Variants in PRDM7 observed in about 807,000 individuals in gnomAD.
The protein encoded by PRDM7 is histone-lysine N-methyltransferase PRDM7.
A neutral mutation model predicts 64.3 loss-of-function variants in PRDM7; 52 were observed. That is an observed-to-expected ratio of 0.81 (90% CI 0.65 to 1.02). The LOEUF (loss-of-function observed/expected upper bound fraction) is 1.02, where lower values mean the gene tolerates loss of function less well. Ranked by LOEUF, PRDM7 falls within the 50% of genes least tolerant of loss-of-function variation. The probability of loss-of-function intolerance (pLI) is 0.00; values close to 1 mark genes in which losing one functional copy is unlikely to be tolerated. For synonymous variants in PRDM7, 192 were observed against 210.1 expected, an observed-to-expected ratio of 0.91 and a Z score of 0.74; for missense variants, 574 against 597.1, an observed-to-expected ratio of 0.96 and a Z score of 0.40.
In PRDM7 at chr16:90,075,897, C is replaced by T. The variant is rs551983496; in HGVS notation, c.14G>A (p.Arg5Lys). ...TCCTTCTGGGCTCTCCTCTTGGGAC[C>T]TTTCAGGGCTCATGGTGCTGGGACT... MSPE[R>K]SQEESPEGDT... Residue 5 changes from arginine (R) to lysine (K), a missense_variant, in exon 2 of 11, where the codon AGG becomes AAG. Transcript: ENST00000449207. The surrounding 1 kb of genome is among the most constrained non-coding windows in gnomAD (Gnocchi z 4.3). 1.9e-6 allele frequency: 3 copies of T among 1,613,976 alleles called. No individual in the cohort carries two copies. The highest frequency in any genetic ancestry group is 2.2e-5 in the East Asian group (1 of 44,876).
chr16:90,062,681 C>G (rs549995297), intron 6 of PRDM7, among the ~76,000 whole-genome samples, 179 bp from the exon 7 acceptor site: 1 of 152,300 alleles, frequency 6.6e-6, no homozygotes, highest in Admixed American at 6.5e-5. Context: ...ACTGTAGATG[C>G]CTATTCAATT....
chr16:90,059,854 A>C (rs577223834), intron 10 of PRDM7, among the ~76,000 whole-genome samples: 5 of 152,314 alleles, frequency 3.3e-5, no homozygotes, highest in African/African-American at 9.6e-5. Context: ...CCTAATTCAC[A>C]AGTTATCTGT....
Position 90,073,800 on chromosome 16 carries a change from G to C in PRDM7, c.301+1116C>G, listed in dbSNP as rs866924246. On this transcript the variant is annotated intron_variant, in intron 4 of 10. Transcript: ENST00000449207. ...GGAGGTCACTTTTTTTTCCCCCCGA[G>C]ACGGAGTCTTCTCATTCTGTTGCCC... is the stretch of plus-strand genomic sequence containing the variant. 2.6e-5 allele frequency among the ~76,000 whole-genome samples: 4 copies of C among 151,722 alleles called. No homozygotes were observed. The South Asian group carries it at 8.4e-4, about 32-fold the overall frequency.
chr16:90,065,393 G>GAA (rs35014946), intron 5 of PRDM7, among the ~76,000 whole-genome samples: 14 of 92,740 alleles, frequency 1.5e-4, no homozygotes, highest in African/African-American at 1.9e-4. Context: ...AACTCTGTCT[G>GAA]AAAAAAAAAA....
In PRDM7 at chr16:90,060,624, C is replaced by T. The variant is rs761289575; in HGVS notation, c.951-1G>A. On this transcript the variant is annotated splice_acceptor_variant, in intron 9 of 10. Coordinates refer to ENST00000449207, the MANE Select transcript of PRDM7 (RefSeq NM_001098173.2). LOFTEE classifies it high-confidence loss of function. ...ATCATCCCGGGCACAGTTCACATAC[C>T]TGGGGTCAAGGCAGGCAAAGGGAAA... 5.0e-6 allele frequency: 8 copies of T among 1,613,958 alleles called. No individual in the cohort carries two copies. In the Admixed American group the frequency reaches 1.0e-4, roughly 20 times the overall value.
chr16:90,066,377 A>G (rs572899783), intron 5 of PRDM7, among the ~76,000 whole-genome samples: 1 of 151,336 alleles, frequency 6.6e-6, no homozygotes, highest in East Asian at 1.9e-4. Flanking sequence ...TGAAAAATCA[A>G]TTGGACGAAT....
chr16:90,064,339 GA>G (rs1294718248), intron 5 of PRDM7, among the ~76,000 whole-genome samples: 1 of 152,162 alleles, frequency 6.6e-6, no homozygotes, highest in Non-Finnish European at 1.5e-5. Flanking sequence ...TTGTCTGCTT[GA>G]ATAAGGGTGT....
Position 90,072,804 on chromosome 16 carries a change from TAAA to T in PRDM7, c.301+2109_301+2111del, listed in dbSNP as rs922301540. ...CAGATAAAGATGTATAGATGTGTGG[TAAA>T]CCACGGGAGATAGATTCCCTCTAAA... is the stretch of plus-strand genomic sequence containing the variant. On this transcript the variant is annotated intron_variant, in intron 4 of 10. Transcript: ENST00000449207. Among the ~76,000 whole-genome samples, 11 of 152,236 alleles carry T rather than the reference TAAA, an allele frequency of 7.2e-5. 1 individual carries two copies. Among genetic ancestry groups the T allele is most frequent in the Admixed American group, 7.2e-4 (11 of 15,290 alleles).
intron 4 of PRDM7, among the ~76,000 whole-genome samples, chr16:90,068,423 C>T (rs1292815579): frequency 6.6e-6 from 1 of 150,984 alleles, no homozygotes; most frequent in Non-Finnish European, 1.5e-5. Context: ...ATCACGAGGT[C>T]AGGAGATCGA....
In PRDM7 at chr16:90,075,888, T is replaced by C; in HGVS notation, c.23A>G (p.Glu8Gly). The C allele has an allele frequency of 6.2e-7, 1 of 1,614,048 alleles. No individual in the cohort carries two copies. Among genetic ancestry groups the C allele is most frequent in the Non-Finnish European group, 8.5e-7 (1 of 1,179,976 alleles). MSPERSQ[E>G]ESPEGDTERT... ...CTCTGTGTCTCCTTCTGGGCTCTCC[T>C]CTTGGGACCTTTCAGGGCTCATGGT... Residue 8 changes from glutamate to glycine, a missense_variant, in exon 2 of 11, where the codon GAG (glutamate) becomes GGG (glycine). By Grantham distance (98) the Glu-to-Gly change is moderately conservative. Coordinates refer to ENST00000449207, the MANE Select transcript of PRDM7 (RefSeq NM_001098173.2). The surrounding 1 kb of genome is among the most constrained non-coding windows in gnomAD (Gnocchi z 4.3).
Position 90,062,522 on chromosome 16 carries a change from A to T in PRDM7, c.509-20T>A. On this transcript the variant is annotated intron_variant, in intron 6 of 10. Transcript: ENST00000449207. Reference sequence around the variant, plus strand: ...TGAGTTCTAGGTTGGAGAAGAGTAGATGGGTAAAATTGGGAGTCTGGGGTG... The same window carrying T: ...TGAGTTCTAGGTTGGAGAAGAGTAGTTGGGTAAAATTGGGAGTCTGGGGTG... 15 of 1,589,690 alleles carry T rather than the reference A, an allele frequency of 9.4e-6. No homozygotes were observed. The highest frequency in any genetic ancestry group is 1.3e-5 in the Non-Finnish European group (15 of 1,157,914).
intron 6 of PRDM7, among the ~76,000 whole-genome samples, 191 bp downstream of exon 6, chr16:90,063,421 G>A (rs558487979): frequency 3.9e-5 from 6 of 152,254 alleles, no homozygotes; most frequent in African/African-American, 9.6e-5. Flanking sequence ...CTGGGTGACA[G>A]AGTAAGACTC....
intron 4 of PRDM7, among the ~76,000 whole-genome samples, chr16:90,069,191 C>T (rs1250447506): frequency 6.6e-6 from 1 of 151,088 alleles, no homozygotes; most frequent in East Asian, 1.9e-4. Context: ...AATAGAGAGG[C>T]CAGAAATAAA....
chr16:90,065,910 A>AGGCTCTCG (rs2151309111), intron 5 of PRDM7, among the ~76,000 whole-genome samples: 1 of 151,348 alleles, frequency 6.6e-6, no homozygotes, highest in East Asian at 1.9e-4. Context: ...GGAGGCTCTC[A>AGGCTCTCG]GAGGCCCTGA....
intron 4 of PRDM7, among the ~76,000 whole-genome samples, chr16:90,073,620 T>G (rs1373808501): frequency 6.6e-6 from 1 of 151,980 alleles, no homozygotes; most frequent in African/African-American, 2.4e-5. Context: ...AGGATGGTCT[T>G]GATCTCCTGA....
Position 90,075,882 on chromosome 16 carries a change from C to G in PRDM7, c.29G>C (p.Ser10Thr), listed in dbSNP as rs757133697. 1.2e-6 allele frequency: 2 copies of G among 1,614,058 alleles called. No individual in the cohort carries two copies. Among genetic ancestry groups the G allele is most frequent in the Non-Finnish European group, 1.7e-6 (2 of 1,179,966 alleles). MSPERSQEE[S>T]PEGDTERTER... ...TGTTCTCTCTGTGTCTCCTTCTGGG[C>G]TCTCCTCTTGGGACCTTTCAGGGCT... The change falls in exon 2 of 11, where the codon AGC becomes ACC. Residue 10 changes from serine (S) to threonine (T), a missense_variant. Physicochemically the swap from Ser to Thr is moderately conservative, Grantham distance 58. Transcript: ENST00000449207. The surrounding 1 kb of genome is among the most constrained non-coding windows in gnomAD (Gnocchi z 4.3).
chr16:90,076,309 C>G (rs1164271246), intron 1 of PRDM7, among the ~76,000 whole-genome samples: 1 of 152,114 alleles, frequency 6.6e-6, no homozygotes, highest in Non-Finnish European at 1.5e-5. Context: ...GTGTGAGAGC[C>G]AGAGGAGTCT....
chr16:90,074,143 C>T (rs2151313934), intron 4 of PRDM7, among the ~76,000 whole-genome samples: 1 of 152,090 alleles, frequency 6.6e-6, no homozygotes, highest in East Asian at 1.9e-4. Context: ...GCCTGTAATC[C>T]CAGCACTTTG....
Position 90,075,435 on chromosome 16 carries a change from T to G in PRDM7, c.109A>C (p.Lys37Gln), listed in dbSNP as rs1477303289. 1.2e-6 allele frequency: 2 copies of G among 1,614,108 alleles called. No individual in the cohort carries two copies. The highest frequency in any genetic ancestry group is 2.7e-5 in the African/African-American group (2 of 74,934). ...AFKDISIYFT[K>Q]EEWAEMGDWE... The stretch of plus-strand genomic sequence containing the variant: ...TCTCCCATTTCTGCCCATTCTTCCT[T>G]GGTGAAGTATATGGAAATGTCTTTG... Residue 37 changes from lysine (K) to glutamine (Q), a missense_variant, in exon 3 of 11, where the codon AAG (lysine) becomes CAG (glutamine). Physicochemically the swap from Lys to Gln is moderately conservative, Grantham distance 53. Coordinates refer to ENST00000449207, the MANE Select transcript of PRDM7 (RefSeq NM_001098173.2). The surrounding 1 kb of genome is among the most constrained non-coding windows in gnomAD (Gnocchi z 4.3).
Sources: allele counts gnomAD v4.1 joint callset (sites outside exome capture counted in the v4.1 genomes callset), GRCh38; gene constraint gnomAD v4.1.1; non-coding constraint Gnocchi (gnomAD v3.1); transcripts MANE v1.5; gene names NCBI Gene and HGNC (gene_info 2026-07-23, HGNC 2026-07-21).